Variants in NOL4 observed in about 807,000 individuals in gnomAD.
The protein encoded by NOL4 is nucleolar protein 4.
A neutral mutation model predicts 75.9 loss-of-function variants in NOL4; 17 were observed. The ratio of observed to expected loss-of-function variants is 0.22; its 90% CI spans 0.15 to 0.34. The LOEUF is 0.34. Ranked by LOEUF, NOL4 falls within the 10% of genes least tolerant of loss-of-function variation. The pLI is 1.00. For synonymous variants in NOL4, 292 were observed against 289.9 expected (o/e 1.01, Z -0.07); for missense variants, 614 against 793.5 (o/e 0.77, Z 2.72).
intron 9 of NOL4, among the ~76,000 whole-genome samples, chr18:33,930,158 A>T (rs900617331): frequency 6.6e-6 from 1 of 152,176 alleles, no homozygotes; most frequent in African/African-American, 2.4e-5. Flanking sequence ...AGTCCATTGT[A>T]GATATTTACT....
intron 9 of NOL4, among the ~76,000 whole-genome samples, chr18:33,910,058 T>C (rs1374922405): frequency 6.6e-6 from 1 of 152,214 alleles, no homozygotes; most frequent in African/African-American, 2.4e-5. Flanking sequence ...TACACAGAAA[T>C]ACATCCTACA....
At chr18:34,125,842 C>A (rs1600671686) in intron 2 of NOL4, among the ~76,000 whole-genome samples, 1 of 151,896 alleles carries the variant, frequency 6.6e-6, no homozygotes, top group African/African-American at 2.4e-5. Context: ...AATGAAATAA[C>A]TGAAACTCTC....
chr18:34,223,271 G>A lies in NOL4; in HGVS notation c.-18C>T. ...CTCTCCATGTTCCCCGCGCTCGGCC[G>A]CTGGCCGGATGCTCCCAGCGCACTT... On this transcript the variant is annotated 5_prime_UTR_variant, in exon 1 of 11. Transcript: ENST00000261592. The A allele has an allele frequency of 5.0e-6, 8 of 1,610,686 alleles. No homozygotes were observed. The highest frequency in any genetic ancestry group is 6.8e-6 in the Non-Finnish European group (8 of 1,179,136).
chr18:34,094,748 T>C (rs1392554169), intron 4 of NOL4, among the ~76,000 whole-genome samples: 1 of 152,186 alleles, frequency 6.6e-6, no homozygotes, highest in Non-Finnish European at 1.5e-5. Context: ...AGTGCTGCTA[T>C]TTATGTTGCA....
chr18:33,858,215 G>A (rs2062924064), intron 10 of NOL4, among the ~76,000 whole-genome samples: 1 of 151,998 alleles, frequency 6.6e-6, no homozygotes, highest in African/African-American at 2.4e-5. Context: ...TTTAGCTTTT[G>A]CAGTAAAATG....
At chr18:33,869,063 C>A (rs1274751725) in intron 10 of NOL4, among the ~76,000 whole-genome samples, 1 of 151,834 alleles carries the variant, frequency 6.6e-6, no homozygotes, top group Non-Finnish European at 1.5e-5. Flanking sequence ...AATAACCTAA[C>A]AAATATGTAG....
At position 33,958,369 on chromosome 18, in the gene NOL4, A is replaced by G; in HGVS notation, c.1106T>C (p.Val369Ala). The change falls in exon 7 of 11, where the codon GTA (valine) becomes GCA (alanine). Residue 369 changes from valine to alanine, a missense_variant. By Grantham distance (64) the Val-to-Ala change is moderately conservative (BLOSUM62 0). Coordinates refer to ENST00000261592, the MANE Select transcript of NOL4 (RefSeq NM_003787.5). ...TGAGAGGTCCTCAGCTCCTCGGTCT[A>G]CACTCTCATTTTTGCCAGAGTCATA... ...SSYDSGKNES[V>A]DRGAEDLSLN... 6.2e-7 allele frequency: 1 copy of G among 1,613,572 alleles called. No individual in the cohort carries two copies. Among genetic ancestry groups the G allele is most frequent in the Non-Finnish European group, 8.5e-7 (1 of 1,179,618 alleles).
intron 1 of NOL4, among the ~76,000 whole-genome samples, chr18:34,182,194 T>C (rs965661076): frequency 1.3e-5 from 2 of 151,624 alleles, no homozygotes; most frequent in African/African-American, 2.4e-5. Flanking sequence ...TAACAAAATA[T>C]GGCATATCGG....
chr18:34,019,258 G>T (rs1288523444), intron 6 of NOL4, 60 bp downstream of exon 6: 6 of 1,391,874 alleles, frequency 4.3e-6, no homozygotes, highest in South Asian at 1.3e-5. Context: ...ATATGCATAG[G>T]TATTTTTTGT....
intron 5 of NOL4, among the ~76,000 whole-genome samples, chr18:34,074,041 A>G (rs566959544): frequency 1.3e-5 from 2 of 152,048 alleles, no homozygotes; most frequent in South Asian, 4.1e-4. Flanking sequence ...GTTACTTATA[A>G]ATACATTAGA....
rs1187320443 is a variant in NOL4 at position 34,016,713 on chromosome 18, A to G, written c.1056+2605T>C. Among the ~76,000 whole-genome samples the G allele has an allele frequency of 3.3e-5, 5 of 151,892 alleles. No homozygotes were observed. In the East Asian group the frequency reaches 7.7e-4, roughly 24 times the overall value. On this transcript the variant is annotated intron_variant, in intron 6 of 10. Transcript: ENST00000261592. ...CTCAGCACCCTTCCTCTGTTCTTTC[A>G]TTTCACCCTCCTGACCATATGTCCC... is the stretch of plus-strand genomic sequence containing the variant.
chr18:34,102,284 G>A (rs1368895428), intron 4 of NOL4, among the ~76,000 whole-genome samples: 1 of 151,946 alleles, frequency 6.6e-6, no homozygotes, highest in Non-Finnish European at 1.5e-5. Context: ...TTTTCTTCAG[G>A]AGGACCAGAT....
intron 9 of NOL4, among the ~76,000 whole-genome samples, chr18:33,940,955 T>A (rs1385992592): frequency 6.6e-6 from 1 of 151,926 alleles, no homozygotes; most frequent in Non-Finnish European, 1.5e-5. Context: ...GGGTAGAAAG[T>A]CTATGAAGTA....
intron 6 of NOL4, among the ~76,000 whole-genome samples, chr18:33,959,504 C>T (rs1279827117): frequency 6.6e-6 from 1 of 152,028 alleles, no homozygotes. Context: ...ATTTTATATA[C>T]TCTTTGAGAC....
intron 2 of NOL4, among the ~76,000 whole-genome samples, chr18:34,128,064 A>G (rs189642854): frequency 1.5e-3 from 221 of 152,044 alleles, no homozygotes; most frequent in Non-Finnish European, 2.8e-3. Flanking sequence ...ATGTTTATCA[A>G]TTTATTACAA....
intron 6 of NOL4, among the ~76,000 whole-genome samples, chr18:33,976,985 T>C (rs1217018750): frequency 6.6e-6 from 1 of 152,178 alleles, no homozygotes; most frequent in African/African-American, 2.4e-5. Flanking sequence ...AGGTTGCATA[T>C]AGAATAGTTT....
intron 5 of NOL4, among the ~76,000 whole-genome samples, chr18:34,087,741 C>T (rs2078308024): frequency 6.6e-6 from 1 of 151,946 alleles, no homozygotes; most frequent in Non-Finnish European, 1.5e-5. Flanking sequence ...CTGAATGGTA[C>T]ATTTGCCTTT....
chr18:34,185,605 T>C (rs1032779323), intron 1 of NOL4, among the ~76,000 whole-genome samples: 2 of 152,210 alleles, frequency 1.3e-5, no homozygotes, highest in African/African-American at 4.8e-5. Flanking sequence ...TTTCAGCTCT[T>C]GTCAGACCCA....
intron 10 of NOL4, among the ~76,000 whole-genome samples, chr18:33,861,857 T>C (rs1290520924): frequency 1.3e-5 from 2 of 152,040 alleles, no homozygotes; most frequent in African/African-American, 4.8e-5. Flanking sequence ...AGGTAATTTA[T>C]AGATTCAATG....
Sources: gnomAD v4.1 joint callset for allele counts (sites outside exome capture counted in the v4.1 genomes callset) on GRCh38, gnomAD v4.1.1 for gene constraint, MANE v1.5 for transcripts, NCBI Gene and HGNC (gene_info 2026-07-23, HGNC 2026-07-21) for gene names.